The following PDE4C variants were observed in gnomAD, a reference collection of about 807,000 sequenced individuals.
The protein encoded by PDE4C is 3',5'-cyclic-AMP phosphodiesterase 4C.
A neutral mutation model predicts 63.9 loss-of-function variants in PDE4C; 50 were observed. The observed-to-expected ratio is 0.78, with a 90% CI of 0.62 to 0.99. The LOEUF (loss-of-function observed/expected upper bound fraction) is 0.99, where lower values mean the gene tolerates loss of function less well. Ranked by LOEUF, PDE4C falls within the 50% of genes least tolerant of loss-of-function variation. The probability of loss-of-function intolerance (pLI) is 0.00; values close to 1 mark genes in which losing one functional copy is unlikely to be tolerated. For synonymous variants in PDE4C, 377 were observed against 385.1 expected (o/e 0.98, Z 0.25); for missense variants, 777 against 899.1 (o/e 0.86, Z 1.74).
intron 1 of PDE4C, among the ~76,000 whole-genome samples, chr19:18,243,079 G>A (rs962088918): frequency 6.6e-6 from 1 of 152,216 alleles, no homozygotes; most frequent in Middle Eastern, 3.4e-3. Context: ...CACGGGGTGT[G>A]AGAAAGAGAA....
chr19:18,224,792 G>A (rs1369367310), intron 1 of PDE4C, among the ~76,000 whole-genome samples: 1 of 152,244 alleles, frequency 6.6e-6, no homozygotes, highest in African/African-American at 2.4e-5. Context: ...AAGGGGCGGG[G>A]CTTCTTAACC....
At chr19:18,228,571 G>A (rs1046025642), upstream of PDE4C, among the ~76,000 whole-genome samples, 6 of 152,164 alleles carry the variant, frequency 3.9e-5, no homozygotes, top group Non-Finnish European at 8.8e-5. Flanking sequence ...CATCCCCTCT[G>A]TAGTCCCAGG....
chr19:18,235,981 C>T (rs570834033), upstream of PDE4C, among the ~76,000 whole-genome samples: 14 of 151,846 alleles, frequency 9.2e-5, no homozygotes, highest in Non-Finnish European at 1.8e-4. Context: ...TAGATGGAGT[C>T]GCCCAGGCTG....
rs11381255 is a variant in PDE4C at position 18,242,785 on chromosome 19, CAAAA to C, written c.-210+5382_-210+5385del. 5.5e-5 allele frequency among the ~76,000 whole-genome samples: 6 copies of C among 109,386 alleles called. No individual in the cohort carries two copies. The South Asian group carries it at 9.3e-4, about 17-fold the overall frequency. The allele number at this position is 109,386 out of a possible 152,430, so 71.8% of individuals were successfully genotyped here. ...GGGCCACAGAGCAAGACTTTCACCTCAAAAAAAAAAAAAAAAAAGGGAATTGGGA... is the reference window on the plus strand; with the variant it reads ...GGGCCACAGAGCAAGACTTTCACCTCAAAAAAAAAAAAAAGGGAATTGGGA... On this transcript the variant is annotated intron_variant, in intron 1 of 15. Transcript: ENST00000594617.
chr19:18,252,299 G>A, upstream of PDE4C: 1 of 399,170 alleles, frequency 2.5e-6, no homozygotes, highest in Non-Finnish European at 4.4e-6. Context: ...GGATGGTAGG[G>A]GTTGCCCCTG....
chr19:18,218,843 G>A, intron 9 of PDE4C, 97 bp downstream of exon 9: 1 of 904,114 alleles, frequency 1.1e-6, no homozygotes, highest in African/African-American at 1.6e-5. Context: ...AAATGTCAGG[G>A]AGGATTTGAA....
chr19:18,214,806 C>T (rs1968118136), intron 12 of PDE4C, among the ~76,000 whole-genome samples: 1 of 151,872 alleles, frequency 6.6e-6, no homozygotes, highest in Admixed American at 6.6e-5. Context: ...AAAAATTAGC[C>T]GGGTGTGGTG....
At chr19:18,237,996 A>C (rs186404004), upstream of PDE4C, among the ~76,000 whole-genome samples, 2 of 152,194 alleles carry the variant, frequency 1.3e-5, no homozygotes, top group Admixed American at 1.3e-4. Flanking sequence ...CAACACTTTG[A>C]AAGGGTGGTT....
At chr19:18,208,204 G>A (rs1967765342), downstream of PDE4C, 1 of 152,248 alleles carries the variant, frequency 6.6e-6, no homozygotes, top group Admixed American at 6.5e-5. Context: ...TGAATTCTGA[G>A]TGGTTATAAT....
In PDE4C at chr19:18,219,405, T is replaced by C; in HGVS notation, c.707-8A>G. 1 of 1,583,084 alleles carries C rather than the reference T, an allele frequency of 6.3e-7. No individual in the cohort carries two copies. Among genetic ancestry groups the C allele is most frequent in the Non-Finnish European group, 8.6e-7 (1 of 1,164,228 alleles). On this transcript the variant is annotated splice_region_variant and splice_polypyrimidine_tract_variant and intron_variant, in intron 7 of 14. Transcript: ENST00000262805. ...CCACCTCGGTCTGCTGGTCTGCGGA[T>C]GGGCCAGGGTGAAGCTCAGAGAAGC... is the stretch of plus-strand genomic sequence containing the variant.
intron 12 of PDE4C, among the ~76,000 whole-genome samples, 173 bp from the exon 13 acceptor site, chr19:18,213,663 G>T (rs904973881): frequency 6.6e-6 from 1 of 152,232 alleles, no homozygotes; most frequent in Admixed American, 6.5e-5. Context: ...CAAAAGAGGG[G>T]CTCAGTCAGG....
intron 1 of PDE4C, among the ~76,000 whole-genome samples, chr19:18,244,283 C>T (rs1969092272): frequency 1.3e-5 from 2 of 151,458 alleles, no homozygotes; most frequent in African/African-American, 4.8e-5. Flanking sequence ...GAGCTACCTC[C>T]CCTTTTTGTT....
upstream of PDE4C, chr19:18,233,692 A>G (rs1968899498): frequency 2.8e-6 from 1 of 356,776 alleles, no homozygotes; most frequent in Non-Finnish European, 5.5e-6. Context: ...GGTGGATGAG[A>G]CAGCGAAGAG....
chr19:18,225,436 C>G (rs1968684856), intron 1 of PDE4C: 1 of 152,358 alleles, frequency 6.6e-6, no homozygotes, highest in African/African-American at 2.4e-5. Context: ...AATGGAACCA[C>G]CAGGAACCAC....
chr19:18,241,636 G>A (rs987896594), intron 1 of PDE4C, among the ~76,000 whole-genome samples: 1 of 151,924 alleles, frequency 6.6e-6, no homozygotes, highest in Non-Finnish European at 1.5e-5. Context: ...CTGCAGCCTC[G>A]ACCTCCTAAG....
chr19:18,220,150 G>T lies in PDE4C; in HGVS notation c.706+76C>A, dbSNP rs1003928663. 5.1e-6 allele frequency: 6 copies of T among 1,169,808 alleles called. No homozygotes were observed. The highest frequency in any genetic ancestry group is 7.7e-6 in the Non-Finnish European group (6 of 781,524). 72.5% of individuals were successfully genotyped at this position (1,169,808 alleles called of 1,614,324 possible). ...CTGGCTGTATCTCCCCCAGACTGAG[G>T]TCTATCATAGGAATCTTTCTTTTGT... On this transcript the variant is annotated intron_variant, in intron 7 of 14. Transcript: ENST00000262805. This position sits in a 1 kb window ranked among gnomAD's most constrained non-coding sequence, Gnocchi z 5.1.
Position 18,220,548 on chromosome 19 carries a change from C to T in PDE4C, c.500-33G>A, listed in dbSNP as rs554204274. ...CCGAGGCAGTCAGGGGCCTGCCCAA[C>T]CCCCCCGCTCAGGGACCCCACGCCT... is the stretch of plus-strand genomic sequence containing the variant. On this transcript the variant is annotated intron_variant, in intron 5 of 14. Coordinates refer to ENST00000262805, the Ensembl canonical transcript of PDE4C. The surrounding 1 kb of genome is among the most constrained non-coding windows in gnomAD (Gnocchi z 5.1). 3.9e-5 allele frequency: 11 copies of T among 279,508 alleles called. No homozygotes were observed. Among genetic ancestry groups the T allele is most frequent in the Non-Finnish European group, 6.1e-5 (10 of 163,508 alleles). The allele number at this position is 279,508 out of a possible 1,614,324, so 17.3% of individuals were successfully genotyped here.
intron 1 of PDE4C, among the ~76,000 whole-genome samples, chr19:18,222,620 T>C (rs1968533430): frequency 6.9e-6 from 1 of 144,100 alleles, no homozygotes; most frequent in Non-Finnish European, 1.5e-5. Context: ...CTTTTATTTT[T>C]TTTCTCTCTT....
At chr19:18,248,252 G>A (rs1969166926), upstream of PDE4C, 3 of 455,900 alleles carry the variant, frequency 6.6e-6, no homozygotes, top group Admixed American at 4.7e-5. Context: ...GACCAAGAGG[G>A]AGGCCCAGGG....
Sources: allele counts gnomAD v4.1 joint callset (sites outside exome capture counted in the v4.1 genomes callset), GRCh38; gene constraint gnomAD v4.1.1; non-coding constraint Gnocchi (gnomAD v3.1); transcripts MANE v1.5; gene names NCBI Gene and HGNC (gene_info 2026-07-23, HGNC 2026-07-21).